The following BTRC variants were observed in gnomAD, a reference collection of about 807,000 sequenced individuals.
BTRC encodes the protein beta-transducin repeat containing E3 ubiquitin protein ligase, also known as F-box/WD repeat-containing protein 1A.
A neutral mutation model predicts 85.5 loss-of-function variants in BTRC; 42 were observed. The ratio of observed to expected loss-of-function variants is 0.49; its 90% CI spans 0.38 to 0.64. The LOEUF is 0.64. Among genes scored for constraint, BTRC ranks in the 30% least tolerant of loss-of-function variants. BTRC has a pLI of 0.00. For missense variants in BTRC, 594 were observed against 743.5 expected (o/e 0.80, Z 2.34); for synonymous variants, 255 against 263.3 (o/e 0.97, Z 0.30).
chr10:101,532,779 TGTGTGTGTGTGCGCGTGTGCGCGC>T (rs1160333945), intron 8 of BTRC, among the ~76,000 whole-genome samples, 149 bp from the exon 9 acceptor site: 4 of 81,498 alleles, frequency 4.9e-5, no homozygotes, highest in African/African-American at 9.1e-5. Context: ...TGTGTGTGTG[TGTGTGTGTGTGCGCGTGTGCGCGC>T]GCGCGCGCTT....
chr10:101,379,871 A>G (rs1241410619), intron 1 of BTRC, among the ~76,000 whole-genome samples: 1 of 152,226 alleles, frequency 6.6e-6, no homozygotes, highest in Non-Finnish European at 1.5e-5. Flanking sequence ...TGATTGTTAC[A>G]AGGTATGTAA....
chr10:101,516,128 A>G (rs949071469), intron 4 of BTRC, among the ~76,000 whole-genome samples: 2 of 152,322 alleles, frequency 1.3e-5, no homozygotes, highest in African/African-American at 2.4e-5. Context: ...AGAAGAATGT[A>G]CTTTCAAAAA....
At chr10:101,536,751 C>G (rs2062393342) in intron 12 of BTRC, 98 bp downstream of exon 12, 1 of 903,542 alleles carries the variant, frequency 1.1e-6, no homozygotes, top group Non-Finnish European at 1.7e-6. Context: ...TTTCTAAAAG[C>G]TTATAGATTT....
intron 4 of BTRC, among the ~76,000 whole-genome samples, chr10:101,490,222 T>G (rs1487250373): frequency 1.3e-5 from 2 of 151,174 alleles, no homozygotes; most frequent in African/African-American, 4.9e-5. Context: ...CCTCCCTCAC[T>G]CCCTCCTTCC....
chr10:101,509,589 G>C (rs1383003963), intron 4 of BTRC, among the ~76,000 whole-genome samples: 4 of 145,090 alleles, frequency 2.8e-5, no homozygotes, highest in East Asian at 2.0e-4. Context: ...GTCTCTCTCT[G>C]TTGTTTAGGC....
chr10:101,460,988 G>A (rs772522254), intron 2 of BTRC, among the ~76,000 whole-genome samples: 18 of 150,270 alleles, frequency 1.2e-4, no homozygotes, highest in Non-Finnish European at 2.2e-4. Context: ...CTGCAACCTC[G>A]GCCTCCTGGG....
chr10:101,470,839 A>C (rs1221372439), intron 3 of BTRC, among the ~76,000 whole-genome samples: 1 of 152,214 alleles, frequency 6.6e-6, no homozygotes, highest in Non-Finnish European at 1.5e-5. Context: ...AATTTCATTC[A>C]GTTGTTTCAG....
chr10:101,368,138 A>C (rs1162640203), intron 1 of BTRC, among the ~76,000 whole-genome samples: 1 of 152,172 alleles, frequency 6.6e-6, no homozygotes, highest in Non-Finnish European at 1.5e-5. Flanking sequence ...GCTTGGTGCC[A>C]TCCTTTTGGA....
At chr10:101,354,953 C>G (rs1042249590) in intron 1 of BTRC, among the ~76,000 whole-genome samples, 1 of 152,004 alleles carries the variant, frequency 6.6e-6, no homozygotes, top group African/African-American at 2.4e-5. Flanking sequence ...GCTAGAATTA[C>G]AAATGTCAGG....
intron 4 of BTRC, among the ~76,000 whole-genome samples, chr10:101,479,833 A>G (rs1438279994): frequency 6.6e-6 from 1 of 152,242 alleles, no homozygotes; most frequent in Admixed American, 6.5e-5. Flanking sequence ...GAAATATGCT[A>G]TAGACAACCC....
Position 101,354,479 on chromosome 10 carries a change from AG to A in BTRC, c.48+256del, listed in dbSNP as rs1348669013. The A allele has an allele frequency of 1.4e-5, 7 of 497,614 alleles. 1 individual carries two copies. In the East Asian group the frequency reaches 2.2e-4, roughly 15 times the overall value. 30.8% of individuals were successfully genotyped at this position (497,614 alleles called of 1,614,324 possible). On this transcript the variant is annotated intron_variant, in intron 1 of 14. Transcript: ENST00000370187. Reference sequence around the variant, plus strand: ...AGTGACAGCGGGAGCTTAATCGAGGAGGGGGCTCCAGGCGGCGCGCGGGGCC... The same window carrying A: ...AGTGACAGCGGGAGCTTAATCGAGGAGGGGCTCCAGGCGGCGCGCGGGGCC...
At chr10:101,549,471 T>C (rs1227192041) in intron 13 of BTRC, among the ~76,000 whole-genome samples, 1 of 151,318 alleles carries the variant, frequency 6.6e-6, no homozygotes, top group African/African-American at 2.4e-5. Context: ...TCCCAGCACT[T>C]TGGGAGGCCG....
Position 101,534,772 on chromosome 10 carries a change from T to TCCAAAGACCAGC in BTRC, c.1209_1210insCCAAAGACCAGC (p.Arg403_Ser404insProLysThrSer). On this transcript the variant is annotated inframe_insertion, in exon 10 of 15. Transcript: ENST00000370187. ...TGATGGTGACCTGCTCCAAAGATCG[T>TCCAAAGACCAGC]TCCATTGCTGTATGGGATATGGCCT... The TCCAAAGACCAGC allele has an allele frequency of 6.2e-7, 1 of 1,614,180 alleles. No individual in the cohort carries two copies. The highest frequency in any genetic ancestry group is 8.5e-7 in the Non-Finnish European group (1 of 1,180,020).
rs2062713386 is a variant in BTRC, at chr10:101,555,510, G to A, written c.*2387G>A. 1 of 152,712 alleles carries A rather than the reference G, an allele frequency of 6.5e-6. No homozygotes were observed. Among genetic ancestry groups the A allele is most frequent in the Admixed American group, 6.5e-5 (1 of 15,308 alleles). The allele number at this position is 152,712 out of a possible 1,614,324, so 9.5% of individuals were successfully genotyped here. A position where few individuals can be genotyped will look rare whatever the true frequency, so the allele number is the denominator to read the frequency against. ...CTGATGGAAATGGGAATGAAGTTAA[G>A]TGGTCTGAAAAACTTGAATCGTTCA... On this transcript the variant is annotated 3_prime_UTR_variant, in exon 15 of 15. Coordinates refer to ENST00000370187, the MANE Select transcript of BTRC (RefSeq NM_033637.4).
At chr10:101,376,290 A>G (rs1942789339) in intron 1 of BTRC, among the ~76,000 whole-genome samples, 1 of 152,202 alleles carries the variant, frequency 6.6e-6, no homozygotes, top group African/African-American at 2.4e-5. Context: ...ATGCCACTGC[A>G]CTCCAGCATG....
intron 1 of BTRC, among the ~76,000 whole-genome samples, chr10:101,426,296 T>C (rs989654349): frequency 2.0e-5 from 3 of 152,364 alleles, no homozygotes; most frequent in Non-Finnish European, 4.4e-5. Context: ...AGTTTTTAAA[T>C]TGAGCCATAA....
At chr10:101,519,132 G>A (rs1177167935) in intron 4 of BTRC, among the ~76,000 whole-genome samples, 5 of 145,262 alleles carry the variant, frequency 3.4e-5, no homozygotes, top group Non-Finnish European at 7.5e-5. Context: ...AGGCTGGAGT[G>A]CAATGGCGTG....
chr10:101,425,463 G>A (rs1481006219), intron 1 of BTRC, among the ~76,000 whole-genome samples: 1 of 152,160 alleles, frequency 6.6e-6, no homozygotes, highest in East Asian at 1.9e-4. Context: ...AATATGTGCT[G>A]TGCAGGGCTG....
intron 4 of BTRC, among the ~76,000 whole-genome samples, chr10:101,520,546 G>GA (rs1241073794): frequency 6.6e-6 from 1 of 152,142 alleles, no homozygotes; most frequent in Non-Finnish European, 1.5e-5. Context: ...TTATGTTATG[G>GA]AAAAAGGTAA....
Sources: gnomAD v4.1 joint callset for allele counts (sites outside exome capture counted in the v4.1 genomes callset) on GRCh38, gnomAD v4.1.1 for gene constraint, MANE v1.5 for transcripts, NCBI Gene and HGNC (gene_info 2026-07-23, HGNC 2026-07-21) for gene names.